CDH13: variants seen among roughly 807,000 people sequenced by gnomAD.
The protein encoded by CDH13 is cadherin 13.
A neutral mutation model predicts 63.8 loss-of-function variants in CDH13; 24 were observed. That is an observed-to-expected ratio of 0.38 (90% confidence interval 0.27 to 0.53). The LOEUF is 0.53. CDH13 is among the 20% of genes least tolerant of loss of function. The probability of loss-of-function intolerance (pLI) is 0.85; values close to 1 mark genes in which losing one functional copy is unlikely to be tolerated. For missense variants in CDH13, 1,049 were observed against 903.1 expected (o/e 1.16, Z -2.07); for synonymous variants, 503 against 355.3 (o/e 1.42, Z -4.67).
At chr16:83,236,184 A>G (rs915301303) in intron 5 of CDH13, among the ~76,000 whole-genome samples, 1 of 152,076 alleles carries the variant, frequency 6.6e-6, no homozygotes, top group African/African-American at 2.4e-5. Flanking sequence ...TTTCCAAACT[A>G]GTTCTGAAAA....
chr16:82,731,048 A>T (rs2033375138), intron 1 of CDH13, among the ~76,000 whole-genome samples: 1 of 152,234 alleles, frequency 6.6e-6, no homozygotes, highest in South Asian at 2.1e-4. Context: ...ACAGCTGCTC[A>T]TAGCTGCCAG....
chr16:82,885,449 A>G (rs370242151), intron 2 of CDH13, among the ~76,000 whole-genome samples: 406 of 21,864 alleles, frequency 0.019, 7 homozygotes, highest in African/African-American at 0.076. Context: ...CCACCCACTC[A>G]TTCATTCATC....
chr16:82,855,898 G>T (rs1214383981), intron 1 of CDH13, among the ~76,000 whole-genome samples: 1 of 152,146 alleles, frequency 6.6e-6, no homozygotes, highest in African/African-American at 2.4e-5. Flanking sequence ...TGGTTCCACA[G>T]CTTCCAACCT....
At chr16:83,096,214 T>C (rs2034185066) in intron 3 of CDH13, among the ~76,000 whole-genome samples, 1 of 152,160 alleles carries the variant, frequency 6.6e-6, no homozygotes, top group Non-Finnish European at 1.5e-5. Context: ...GTGAATCTGG[T>C]AAAAGTTAAT....
chr16:83,191,180 C>T (rs756914036), intron 4 of CDH13, among the ~76,000 whole-genome samples: 8 of 145,400 alleles, frequency 5.5e-5, no homozygotes, highest in Non-Finnish European at 1.2e-4. Context: ...TAAGAACCTG[C>T]CTCCTGAAAT....
rs112955883 is a variant in CDH13 at position 83,200,155 on chromosome 16, T to C, written c.484-17190T>C. Among the ~76,000 whole-genome samples the C allele has an allele frequency of 2.5e-4, 38 of 152,222 alleles. 1 individual carries two copies. The highest frequency in any genetic ancestry group is 8.4e-4 in the African/African-American group (35 of 41,538). ...GAGTCAGAAGGGACCTCAGAGTCTA[T>C]GTGGTGCTGATGGTCTTTGTAACGC... On this transcript the variant is annotated intron_variant, in intron 4 of 13. Transcript: ENST00000567109.
intron 1 of CDH13, among the ~76,000 whole-genome samples, chr16:82,815,132 A>T (rs2037642780): frequency 6.6e-6 from 1 of 152,132 alleles, no homozygotes; most frequent in African/African-American, 2.4e-5. Context: ...ACCCACCTGA[A>T]TGCACAGTAG....
chr16:83,045,616 G>C (rs1261806168), intron 3 of CDH13, among the ~76,000 whole-genome samples: 1 of 130,248 alleles, frequency 7.7e-6, no homozygotes, highest in Non-Finnish European at 1.5e-5. Flanking sequence ...TAGTCTGGGC[G>C]ACAGATCAAG....
intron 2 of CDH13, among the ~76,000 whole-genome samples, chr16:83,023,350 G>T (rs1316128518): frequency 1.3e-5 from 2 of 151,248 alleles, no homozygotes; most frequent in Non-Finnish European, 2.9e-5. Context: ...TTATCTCAAA[G>T]AATGATGTTA....
intron 2 of CDH13, among the ~76,000 whole-genome samples, chr16:82,874,934 T>C (rs1377303253): frequency 2.0e-5 from 3 of 152,156 alleles, no homozygotes; most frequent in African/African-American, 7.2e-5. Flanking sequence ...TGGGGATGTG[T>C]GGCCAGGTAA....
chr16:83,265,806 C>T (rs1304904876), intron 5 of CDH13, among the ~76,000 whole-genome samples: 1 of 141,388 alleles, frequency 7.1e-6, no homozygotes, highest in Non-Finnish European at 1.5e-5. Flanking sequence ...TCTTTGCTGC[C>T]GTTGTCCTCT....
intron 7 of CDH13, among the ~76,000 whole-genome samples, chr16:83,517,663 A>G (rs1317918973): frequency 6.6e-6 from 1 of 152,242 alleles, no homozygotes; most frequent in Non-Finnish European, 1.5e-5. Context: ...TTGCAGTGAC[A>G]GTCTGGAAAA....
At chr16:83,488,058 G>T (rs760305344) in intron 7 of CDH13, among the ~76,000 whole-genome samples, 1 of 152,204 alleles carries the variant, frequency 6.6e-6, no homozygotes, top group African/African-American at 2.4e-5. Flanking sequence ...GACCTGAATT[G>T]TCCAGTAGAG....
At chr16:83,580,351 G>A (rs1029732072) in intron 7 of CDH13, among the ~76,000 whole-genome samples, 2 of 151,922 alleles carry the variant, frequency 1.3e-5, no homozygotes, top group Non-Finnish European at 2.9e-5. Flanking sequence ...AGGTAGAATT[G>A]ATCAACTTAG....
intron 11 of CDH13, among the ~76,000 whole-genome samples, chr16:83,775,536 C>G (rs547986087): frequency 6.6e-6 from 1 of 152,162 alleles, no homozygotes; most frequent in African/African-American, 2.4e-5. Context: ...GGCCCCTGGG[C>G]TCCCTCCAGA....
chr16:83,319,540 A>T (rs2090176863), intron 5 of CDH13, among the ~76,000 whole-genome samples: 1 of 152,236 alleles, frequency 6.6e-6, no homozygotes, highest in Non-Finnish European at 1.5e-5. Context: ...TCACGACTTT[A>T]CGATTTACTT....
intron 2 of CDH13, among the ~76,000 whole-genome samples, chr16:82,946,083 G>C (rs897659141): frequency 1.3e-5 from 2 of 151,902 alleles, no homozygotes; most frequent in African/African-American, 2.4e-5. Context: ...GCTTCTTGAG[G>C]GGACAGTATA....
chr16:82,852,929 T>C (rs977564503), intron 1 of CDH13, among the ~76,000 whole-genome samples: 1 of 152,052 alleles, frequency 6.6e-6, no homozygotes, highest in Non-Finnish European at 1.5e-5. Flanking sequence ...GGAAGCAAAC[T>C]CCAAAGTTGG....
chr16:83,069,755 C>G (rs1282216412), intron 3 of CDH13, among the ~76,000 whole-genome samples: 2 of 152,144 alleles, frequency 1.3e-5, no homozygotes, highest in East Asian at 1.9e-4. Context: ...CAGTGCTAAC[C>G]CTGTTCAGAG....
Sources: gnomAD v4.1 joint callset for allele counts (sites outside exome capture counted in the v4.1 genomes callset) on GRCh38, gnomAD v4.1.1 for gene constraint, MANE v1.5 for transcripts, NCBI Gene and HGNC (gene_info 2026-07-23, HGNC 2026-07-21) for gene names.